The following MXI1 variants were observed in gnomAD, a reference collection of about 807,000 sequenced individuals.
MXI1 encodes MAX interactor 1, dimerization protein.
Under a neutral mutation model 36.9 loss-of-function variants are expected in MXI1, and 18 were observed. That is an observed-to-expected ratio of 0.49 (90% CI 0.34 to 0.72). The LOEUF (loss-of-function observed/expected upper bound fraction) is 0.72. MXI1 is among the 30% of genes least tolerant of loss of function. The pLI is 0.01. For synonymous variants in MXI1, 160 were observed against 146.7 expected (o/e 1.09, Z -0.65); for missense variants, 304 against 379.1 (o/e 0.80, Z 1.64).
At chr10:110,226,284 G>A in intron 1 of MXI1, 1 of 1,495,356 alleles carries the variant, frequency 6.7e-7, no homozygotes, top group South Asian at 1.2e-5. Flanking sequence ...CGGGAGCGAG[G>A]TAATGGCTGG....
At chr10:110,250,619 G>A (rs1217048061) in intron 3 of MXI1, among the ~76,000 whole-genome samples, 1 of 151,856 alleles carries the variant, frequency 6.6e-6, no homozygotes, top group Non-Finnish European at 1.5e-5. Flanking sequence ...ATTGCTTGAG[G>A]CCAGGAGTTT....
intron 3 of MXI1, 51 bp downstream of exon 3, chr10:110,244,908 C>G (rs1855808874): frequency 1.3e-6 from 2 of 1,574,454 alleles, no homozygotes; most frequent in East Asian, 2.3e-5. Flanking sequence ...AGCAAACTCA[C>G]CATTTTACCT....
At chr10:110,273,124 T>G (rs1394150687) in intron 3 of MXI1, among the ~76,000 whole-genome samples, 2 of 146,364 alleles carry the variant, frequency 1.4e-5, no homozygotes, top group African/African-American at 5.0e-5. Flanking sequence ...CTCGGCTCAC[T>G]GCAACCTCCG....
chr10:110,265,172 T>C (rs936853072), intron 3 of MXI1, among the ~76,000 whole-genome samples: 2 of 152,180 alleles, frequency 1.3e-5, no homozygotes, highest in Non-Finnish European at 2.9e-5. Flanking sequence ...AGGCCCAACA[T>C]TGGTTAGGAA....
chr10:110,277,346 C>T (rs937020276), intron 3 of MXI1, among the ~76,000 whole-genome samples: 2 of 152,098 alleles, frequency 1.3e-5, no homozygotes, highest in African/African-American at 4.8e-5. Context: ...TTTCCACGCT[C>T]CAGTCATATT....
intron 4 of MXI1, 62 bp from the exon 5 acceptor site, chr10:110,279,852 G>C (rs1273583811): frequency 1.6e-6 from 2 of 1,245,848 alleles, no homozygotes; most frequent in Admixed American, 2.8e-5. Context: ...GCTAAAGGAG[G>C]AATCAGTTTT....
At chr10:110,267,572 G>GA (rs1268626207) in intron 3 of MXI1, among the ~76,000 whole-genome samples, 2 of 151,982 alleles carry the variant, frequency 1.3e-5, no homozygotes, top group East Asian at 1.9e-4. Context: ...ACAAAGCTGT[G>GA]AAAAAAATCA....
intron 2 of MXI1, among the ~76,000 whole-genome samples, chr10:110,235,525 A>C (rs1855427475): frequency 1.3e-5 from 2 of 151,638 alleles, no homozygotes; most frequent in Admixed American, 1.3e-4. Context: ...GTCTCTACTA[A>C]AAATACAAAA....
chr10:110,208,174 C>G (rs567059969), intron 1 of MXI1, 92 bp downstream of exon 1: 696 of 1,351,004 alleles, frequency 5.2e-4, no homozygotes, highest in Non-Finnish European at 6.4e-4. Flanking sequence ...GCCCGTCCCC[C>G]CCCCGCCCAA....
rs534617850 is a variant in MXI1 at position 110,241,281 on chromosome 10, C to T, written c.408-3547C>T. On this transcript the variant is annotated intron_variant, in intron 2 of 5. Transcript: ENST00000332674. ...AGGGTAAGGGTGTTTGAAAGGAAGACACAATTCATTAGTGTTTGCTCTCAG... is the reference window on the plus strand; with the variant it reads ...AGGGTAAGGGTGTTTGAAAGGAAGATACAATTCATTAGTGTTTGCTCTCAG... Among the ~76,000 whole-genome samples the T allele has an allele frequency of 6.6e-5, 10 of 152,044 alleles. No individual in the cohort carries two copies. In the South Asian group the frequency reaches 1.7e-3, roughly 25 times the overall value.
chr10:110,240,831 T>C (rs1189396619), intron 2 of MXI1, among the ~76,000 whole-genome samples: 2 of 152,032 alleles, frequency 1.3e-5, no homozygotes, highest in African/African-American at 4.8e-5. Flanking sequence ...AGAAAGTAAG[T>C]TAAATGAAAA....
At chr10:110,259,470 C>T (rs1856430633) in intron 3 of MXI1, among the ~76,000 whole-genome samples, 1 of 151,970 alleles carries the variant, frequency 6.6e-6, no homozygotes, top group African/African-American at 2.4e-5. Context: ...GGAATTTGTC[C>T]ATTGTAAATG....
At chr10:110,210,829 G>A (rs1316345715) in intron 1 of MXI1, among the ~76,000 whole-genome samples, 2 of 152,330 alleles carry the variant, frequency 1.3e-5, no homozygotes, top group Non-Finnish European at 1.5e-5. Context: ...GAGTCGGGGG[G>A]CGGGTCGTGC....
At chr10:110,271,250 A>G (rs1856843554) in intron 3 of MXI1, among the ~76,000 whole-genome samples, 1 of 152,296 alleles carries the variant, frequency 6.6e-6, no homozygotes, top group South Asian at 2.1e-4. Context: ...GCATTCATAA[A>G]TAGATCTCTC....
At chr10:110,256,545 G>A (rs544019746) in intron 3 of MXI1, among the ~76,000 whole-genome samples, 9 of 134,378 alleles carry the variant, frequency 6.7e-5, no homozygotes, top group Non-Finnish European at 1.4e-4. Context: ...AGAGGTTGCA[G>A]TGAGCTGACA....
chr10:110,244,388 AT>A (rs1355035653), intron 2 of MXI1, among the ~76,000 whole-genome samples: 1 of 151,980 alleles, frequency 6.6e-6, no homozygotes, highest in African/African-American at 2.4e-5. Context: ...TTCAGCTTCT[AT>A]GCTAGCCAAA....
At chr10:110,281,370 T>A (rs1195138698) in intron 5 of MXI1, among the ~76,000 whole-genome samples, 1 of 152,190 alleles carries the variant, frequency 6.6e-6, no homozygotes, top group Non-Finnish European at 1.5e-5. Context: ...TAATCTTTTT[T>A]AATATCATCT....
At chr10:110,218,334 C>A (rs1453940294) in intron 1 of MXI1, among the ~76,000 whole-genome samples, 1 of 151,934 alleles carries the variant, frequency 6.6e-6, no homozygotes, top group East Asian at 1.9e-4. Context: ...CCTGTAGTCC[C>A]AGCTACTCGG....
At chr10:110,241,747 C>T (rs1361840954) in intron 2 of MXI1, among the ~76,000 whole-genome samples, 2 of 151,836 alleles carry the variant, frequency 1.3e-5, no homozygotes, top group Admixed American at 6.6e-5. Flanking sequence ...TAGTTAATAA[C>T]GTTTTGGGTA....
Sources: gnomAD v4.1 joint callset for allele counts (sites outside exome capture counted in the v4.1 genomes callset) on GRCh38, gnomAD v4.1.1 for gene constraint, MANE v1.5 for transcripts, NCBI Gene and HGNC (gene_info 2026-07-23, HGNC 2026-07-21) for gene names.